Variants in PRDM5 observed in about 807,000 individuals in gnomAD.
PRDM5 encodes PR domain zinc finger protein 5.
A neutral mutation model predicts 81.2 loss-of-function variants in PRDM5; 56 were observed. The ratio of observed to expected loss-of-function variants is 0.69; its 90% CI spans 0.56 to 0.86. The LOEUF is 0.86. PRDM5 is among the 40% of genes least tolerant of loss of function. The pLI is 0.00. For synonymous variants in PRDM5, 267 were observed against 256.4 expected, an observed-to-expected ratio of 1.04 and a Z score of -0.39; for missense variants, 697 against 770.1, an observed-to-expected ratio of 0.91 and a Z score of 1.12.
chr4:120,750,712 ACACACACG>A (rs1561085638), intron 14 of PRDM5, among the ~76,000 whole-genome samples: 1 of 149,736 alleles, frequency 6.7e-6, no homozygotes, highest in African/African-American at 2.5e-5. Context: ...ACACACACAC[ACACACACG>A]CGCACACAAA....
chr4:120,777,671 A>T (rs1748388345), intron 12 of PRDM5, among the ~76,000 whole-genome samples: 1 of 152,150 alleles, frequency 6.6e-6, no homozygotes, highest in Non-Finnish European at 1.5e-5. Context: ...GTGTATATTT[A>T]ACTCTTGAGG....
intron 7 of PRDM5, among the ~76,000 whole-genome samples, chr4:120,814,443 T>C (rs1017182636): frequency 5.9e-5 from 9 of 152,204 alleles, no homozygotes; most frequent in Non-Finnish European, 1.0e-4. Flanking sequence ...GAATACACAA[T>C]CACTTAAGTA....
At chr4:120,715,196 C>G (rs1737571277) in intron 14 of PRDM5, among the ~76,000 whole-genome samples, 1 of 152,144 alleles carries the variant, frequency 6.6e-6, no homozygotes, top group Admixed American at 6.5e-5. Context: ...TTATCACTCA[C>G]TTTCAGCTCC....
At chr4:120,786,559 C>T (rs12507922) in intron 10 of PRDM5, among the ~76,000 whole-genome samples, 30,242 of 151,974 alleles carry the variant, frequency 0.2, 3,650 homozygotes, top group Non-Finnish European at 0.28. Flanking sequence ...TTGGATCTAC[C>T]ACTCACCTCC....
chr4:120,916,179 A>G (rs552861400), intron 1 of PRDM5, among the ~76,000 whole-genome samples: 2 of 152,224 alleles, frequency 1.3e-5, no homozygotes, highest in Admixed American at 1.3e-4. Flanking sequence ...ACTTGAGGTC[A>G]GGAGTTCGAG....
At chr4:120,817,286 T>C (rs576117653) in intron 5 of PRDM5, among the ~76,000 whole-genome samples, 1 of 152,168 alleles carries the variant, frequency 6.6e-6, no homozygotes, top group Admixed American at 6.5e-5. Flanking sequence ...TTAAGCACAA[T>C]TTTCATCTCA....
intron 3 of PRDM5, among the ~76,000 whole-genome samples, chr4:120,827,363 A>G (rs991445677): frequency 1.3e-5 from 2 of 152,138 alleles, no homozygotes; most frequent in African/African-American, 4.8e-5. Context: ...CCAGAAAAAA[A>G]GCAATAACCT....
At chr4:120,866,133 A>T (rs776160588) in intron 2 of PRDM5, among the ~76,000 whole-genome samples, 1 of 152,196 alleles carries the variant, frequency 6.6e-6, no homozygotes, top group Non-Finnish European at 1.5e-5. Context: ...ACTCCTTTGC[A>T]TGACAAAAGA....
intron 10 of PRDM5, among the ~76,000 whole-genome samples, chr4:120,787,267 G>A (rs1389328883): frequency 1.3e-5 from 2 of 152,136 alleles, no homozygotes; most frequent in African/African-American, 2.4e-5. Flanking sequence ...GGAAGCCAGT[G>A]TGGTTGGAGC....
At chr4:120,736,214 T>C (rs910954444) in intron 14 of PRDM5, among the ~76,000 whole-genome samples, 3 of 151,024 alleles carry the variant, frequency 2.0e-5, no homozygotes, top group African/African-American at 7.3e-5. Context: ...TGTGTGTGTG[T>C]GTGTGTGTGT....
intron 3 of PRDM5, among the ~76,000 whole-genome samples, chr4:120,827,836 G>A (rs755840168): frequency 2.0e-5 from 3 of 152,066 alleles, no homozygotes; most frequent in Admixed American, 1.3e-4. Context: ...TCACTTCATG[G>A]CTATGTGGGC....
chr4:120,848,491 T>C (rs1758902334), intron 3 of PRDM5, among the ~76,000 whole-genome samples: 1 of 152,298 alleles, frequency 6.6e-6, no homozygotes, highest in Non-Finnish European at 1.5e-5. Context: ...AGAGTCAGTA[T>C]CCTTATCTGA....
chr4:120,777,426 T>A (rs1748337509), intron 12 of PRDM5, 145 bp from the exon 13 acceptor site: 11 of 1,433,744 alleles, frequency 7.7e-6, no homozygotes, highest in African/African-American at 1.4e-5. Flanking sequence ...TTTTAAACAA[T>A]TTATGATGGA....
downstream of PRDM5, chr4:120,684,812 A>C (rs944118518): frequency 5.3e-5 from 8 of 152,080 alleles, no homozygotes; most frequent in Admixed American, 4.6e-4. Flanking sequence ...CATGAATTAC[A>C]TAAAAAAATT....
intron 1 of PRDM5, among the ~76,000 whole-genome samples, chr4:120,913,139 T>C (rs1561708371): frequency 6.6e-6 from 1 of 152,232 alleles, no homozygotes; most frequent in African/African-American, 2.4e-5. Flanking sequence ...TATATTTATC[T>C]CGAAGAGAAG....
intron 14 of PRDM5, among the ~76,000 whole-genome samples, chr4:120,713,218 T>C (rs1164817848): frequency 6.6e-6 from 1 of 152,186 alleles, no homozygotes; most frequent in Non-Finnish European, 1.5e-5. Context: ...ATAATTCTTT[T>C]TTACCTTGAA....
intron 2 of PRDM5, among the ~76,000 whole-genome samples, chr4:120,866,680 A>G (rs1056233060): frequency 2.6e-5 from 4 of 152,212 alleles, no homozygotes; most frequent in Non-Finnish European, 5.9e-5. Flanking sequence ...AACCAAGATG[A>G]TGTGATTCCA....
intron 2 of PRDM5, among the ~76,000 whole-genome samples, chr4:120,863,329 C>G (rs1449763476): frequency 6.6e-6 from 1 of 151,636 alleles, no homozygotes; most frequent in Non-Finnish European, 1.5e-5. Flanking sequence ...TATGCCTTTT[C>G]CCTTATGATA....
intron 13 of PRDM5, among the ~76,000 whole-genome samples, chr4:120,772,117 T>C (rs1747379267): frequency 6.6e-6 from 1 of 152,162 alleles, no homozygotes; most frequent in African/African-American, 2.4e-5. Context: ...CTGACTCCTA[T>C]GGCAGAGGAG....
Sources: gnomAD v4.1 joint callset for allele counts (sites outside exome capture counted in the v4.1 genomes callset) on GRCh38, gnomAD v4.1.1 for gene constraint, MANE v1.5 for transcripts, NCBI Gene and HGNC (gene_info 2026-07-23, HGNC 2026-07-21) for gene names.